Variants in CPNE9 observed in about 807,000 individuals in gnomAD.
The protein encoded by CPNE9 is copine-9.
A neutral mutation model predicts 83.0 loss-of-function variants in CPNE9; 59 were observed. The ratio of observed to expected loss-of-function variants is 0.71; its 90% CI spans 0.58 to 0.88. The LOEUF (loss-of-function observed/expected upper bound fraction) is 0.88, where lower values mean the gene tolerates loss of function less well. Among genes scored for constraint, CPNE9 ranks in the 40% least tolerant of loss-of-function variants. CPNE9 has a pLI of 0.00. For synonymous variants in CPNE9, 256 were observed against 273.4 expected (o/e 0.94, Z 0.63); for missense variants, 619 against 720.8 (o/e 0.86, Z 1.62).
chr3:9,722,167 C>T (rs6800487), intron 17 of CPNE9, among the ~76,000 whole-genome samples: 2,177 of 151,562 alleles, frequency 0.014, 84 homozygotes, highest in African/African-American at 0.049. Flanking sequence ...TCCACCCCCC[C>T]CCGCCACCCG....
At chr3:9,726,614 C>A in intron 18 of CPNE9, 51 bp from the exon 19 acceptor site, 1 of 1,432,130 alleles carries the variant, frequency 7.0e-7, no homozygotes, top group South Asian at 1.1e-5. Flanking sequence ...CAACAGTCAC[C>A]TCCCTAGTGA....
intron 17 of CPNE9, 114 bp from the exon 18 acceptor site, chr3:9,725,835 A>G: frequency 1.3e-6 from 1 of 788,434 alleles, no homozygotes; most frequent in Non-Finnish European, 2.3e-6. Flanking sequence ...CATGGGTTTC[A>G]GAAGCCCCAG....
At chr3:9,719,940 G>T (rs1044410672) in intron 17 of CPNE9, among the ~76,000 whole-genome samples, 1 of 150,726 alleles carries the variant, frequency 6.6e-6, no homozygotes, top group Non-Finnish European at 1.5e-5. Flanking sequence ...GCAGTGAGCC[G>T]AGATCACACC....
chr3:9,723,229 T>C (rs1309237889), intron 17 of CPNE9, among the ~76,000 whole-genome samples: 3 of 152,100 alleles, frequency 2.0e-5, no homozygotes, highest in Admixed American at 6.5e-5. Context: ...CCCAGCACTT[T>C]GGGAGGCCGA....
intron 20 of CPNE9, chr3:9,727,595 G>A: frequency 3.4e-6 from 2 of 595,770 alleles, no homozygotes; most frequent in Middle Eastern, 4.5e-4. Flanking sequence ...GCATTACAGG[G>A]AGAGGAGCAG....
chr3:9,706,190 A>C (rs1449821026), intron 7 of CPNE9, 127 bp downstream of exon 7: 1 of 777,026 alleles, frequency 1.3e-6, no homozygotes, highest in Non-Finnish European at 2.1e-6. Context: ...CCCGGCTCCC[A>C]TCACCCTCGT....
chr3:9,725,554 AAATG>A (rs1371171982), intron 17 of CPNE9, among the ~76,000 whole-genome samples: 1 of 150,006 alleles, frequency 6.7e-6, no homozygotes, highest in Non-Finnish European at 1.5e-5. Flanking sequence ...ACAAAACAAA[AAATG>A]TGTGTGTATG....
rs375286255 is a variant in CPNE9, at chr3:9,704,337, G to A, written c.69-250G>A. Among the ~76,000 whole-genome samples, 3 of 152,354 alleles carry A rather than the reference G, an allele frequency of 2.0e-5. No homozygotes were observed. The highest frequency in any genetic ancestry group is 2.1e-4 in the South Asian group (1 of 4,834). ...CCCCAGGAGGACAAAGTTCTGGGGC[G>A]AGCCCTCTTTCCTGGGCCCTTGGAG... On this transcript the variant is annotated intron_variant, in intron 1 of 20. Coordinates refer to ENST00000383832, the MANE Select transcript of CPNE9 (RefSeq NM_153635.3). This position sits in a 1 kb window ranked among gnomAD's most constrained non-coding sequence, Gnocchi z 7.1.
intron 20 of CPNE9, among the ~76,000 whole-genome samples, chr3:9,727,954 C>G (rs974125373): frequency 6.6e-6 from 1 of 152,088 alleles, no homozygotes; most frequent in Non-Finnish European, 1.5e-5. Context: ...GAAAATTTTA[C>G]AAGACTTGAT....
chr3:9,717,220 A>T, intron 15 of CPNE9, 116 bp downstream of exon 15: 1 of 1,080,148 alleles, frequency 9.3e-7, no homozygotes. Flanking sequence ...AGAAGCCCAA[A>T]CTTAGGCAAA....
chr3:9,718,071 A>G lies in CPNE9; in HGVS notation c.974A>G (p.Tyr325Cys), dbSNP rs764518389. The G allele has an allele frequency of 6.2e-7, 1 of 1,614,070 alleles. No homozygotes were observed. Among genetic ancestry groups the G allele is most frequent in the East Asian group, 2.2e-5 (1 of 44,884 alleles). Residue 325 changes from tyrosine (Y) to cysteine (C), a missense_variant, in exon 16 of 21, where the codon TAC becomes TGC. By Grantham distance (194) the Tyr-to-Cys change is radical. Coordinates refer to ENST00000383832, the MANE Select transcript of CPNE9 (RefSeq NM_153635.3). ...QPTSLHYMSP[Y>C]QLSAYAMALK... ...ACCTCCCTGCACTACATGAGTCCCT[A>G]CCAGCTCAGCGCCTATGCCATGGCC...
At chr3:9,725,872 TG>T in intron 17 of CPNE9, 76 bp from the exon 18 acceptor site, 1 of 1,091,734 alleles carries the variant, frequency 9.2e-7, no homozygotes. Context: ...ACACACTGGC[TG>T]TGGAAGCTCT....
At chr3:9,711,864 C>T (rs1308672952) in intron 7 of CPNE9, among the ~76,000 whole-genome samples, 1 of 152,198 alleles carries the variant, frequency 6.6e-6, no homozygotes, top group Non-Finnish European at 1.5e-5. Flanking sequence ...CCATGGTCTT[C>T]AGAAAGCACA....
chr3:9,705,489 A>G lies in CPNE9; in HGVS notation c.286A>G (p.Ile96Val), dbSNP rs778855159. 6.3e-7 allele frequency: 1 copy of G among 1,584,504 alleles called. No homozygotes were observed. Among genetic ancestry groups the G allele is most frequent in the Non-Finnish European group, 8.6e-7 (1 of 1,165,498 alleles). Residue 96 changes from isoleucine (I) to valine (V), a missense_variant, in exon 5 of 21, where the codon ATC (isoleucine) becomes GTC (valine). Physicochemically the swap from Ile to Val is conservative, Grantham distance 29 (BLOSUM62 3). Transcript: ENST00000383832. ...GTACAACGTGGACTCCAAAACCAACATCTCCAAACCGGTGAGCAAACGTTT... is the reference window on the plus strand; with the variant it reads ...GTACAACGTGGACTCCAAAACCAACGTCTCCAAACCGGTGAGCAAACGTTT... ...DVYNVDSKTN[I>V]SKPKDFLGQA... is the part of the protein sequence containing the mutation.
chr3:9,722,161 C>CCA (rs1024414558), intron 17 of CPNE9, among the ~76,000 whole-genome samples: 18 of 86,308 alleles, frequency 2.1e-4, no homozygotes, highest in Admixed American at 1.0e-4. Context: ...AGGTGATCCA[C>CCA]CCCCCCCCGC....
At chr3:9,716,944 G>A (rs1226651405) in intron 14 of CPNE9, 114 bp from the exon 15 acceptor site, 1 of 1,108,678 alleles carries the variant, frequency 9.0e-7, no homozygotes, top group African/African-American at 1.5e-5. Flanking sequence ...ATCTGGATCA[G>A]AATCTGCATT....
Position 9,729,838 on chromosome 3 carries a change from G to C in CPNE9, c.*146G>C. 8.5e-7 allele frequency: 1 copy of C among 1,182,814 alleles called. No homozygotes were observed. Among genetic ancestry groups the C allele is most frequent in the Non-Finnish European group, 1.1e-6 (1 of 875,400 alleles). The allele number at this position is 1,182,814 out of a possible 1,614,324, so 73.3% of individuals were successfully genotyped here. On this transcript the variant is annotated 3_prime_UTR_variant, in exon 21 of 21. Coordinates refer to ENST00000383832, the MANE Select transcript of CPNE9 (RefSeq NM_153635.3). ...TGGCTGACAAGCCCTCCGCCTCCTT[G>C]CCTGCAGAGGGCCTGGCACTATCAC...
intron 19 of CPNE9, 63 bp from the exon 20 acceptor site, chr3:9,727,050 G>A: frequency 6.4e-7 from 1 of 1,567,472 alleles, no homozygotes; most frequent in Non-Finnish European, 8.8e-7. Context: ...AGCTCAAAGG[G>A]AGGGGGCAGC....
At chr3:9,717,149 C>G (rs2076691495) in intron 15 of CPNE9, 45 bp downstream of exon 15, 1 of 1,600,576 alleles carries the variant, frequency 6.2e-7, no homozygotes, top group East Asian at 2.2e-5. Context: ...GAAGGCACTT[C>G]TAAGGGAGTC....
Sources: gnomAD v4.1 joint callset for allele counts (sites outside exome capture counted in the v4.1 genomes callset) on GRCh38, gnomAD v4.1.1 for gene constraint, Gnocchi (gnomAD v3.1) non-coding constraint, MANE v1.5 for transcripts, NCBI Gene and HGNC (gene_info 2026-07-23, HGNC 2026-07-21) for gene names.